The following NRXN3 variants were observed in gnomAD, a reference collection of about 807,000 sequenced individuals.
NRXN3 encodes the protein neurexin 3, also known as neurexin III.
NRXN3 carries 32 observed loss-of-function variants against 137.6 expected under a neutral mutation model. The observed-to-expected ratio is 0.23, with a 90% confidence interval of 0.18 to 0.31. The LOEUF is 0.31. Ranked by LOEUF, NRXN3 falls within the 10% of genes least tolerant of loss-of-function variation. The probability of loss-of-function intolerance (pLI) is 1.00; values close to 1 mark genes in which losing one functional copy is unlikely to be tolerated. For synonymous variants in NRXN3, 798 were observed against 784.5 expected, an observed-to-expected ratio of 1.02 and a Z score of -0.29; for missense variants, 1,574 against 2,062.5, an observed-to-expected ratio of 0.76 and a Z score of 4.59.
chr14:79,757,226 G>T (rs905958202), intron 19 of NRXN3, among the ~76,000 whole-genome samples: 1 of 152,112 alleles, frequency 6.6e-6, no homozygotes, highest in Non-Finnish European at 1.5e-5. Context: ...TAGCAACAAC[G>T]TATTCAGATG....
chr14:79,642,881 C>T lies in NRXN3; in HGVS notation c.3445-20897C>T, dbSNP rs1007392363. On this transcript the variant is annotated intron_variant, in intron 16 of 20. Coordinates refer to ENST00000335750, the MANE Select transcript of NRXN3 (RefSeq NM_001330195.2). ...CTTAGTTTCTAAAACCCAGAGGTCC[C>T]AAAGTCAAATGCTTTGCAGCCAGGC... Among the ~76,000 whole-genome samples, 18 of 136,272 alleles carry T rather than the reference C, an allele frequency of 1.3e-4. 1 individual carries two copies. The highest frequency in any genetic ancestry group is 4.4e-4 in the African/African-American group (18 of 40,880). The allele number at this position is 136,272 out of a possible 152,430, so 89.4% of individuals were successfully genotyped here. A position where few individuals can be genotyped will look rare whatever the true frequency, so the allele number is the denominator to read the frequency against.
chr14:78,915,974 G>A (rs2099254313), intron 10 of NRXN3, among the ~76,000 whole-genome samples: 1 of 152,098 alleles, frequency 6.6e-6, no homozygotes, highest in Non-Finnish European at 1.5e-5. Flanking sequence ...AGAAGAGAAT[G>A]TCCCTATAAG....
chr14:78,710,099 A>AT (rs1171384180), intron 7 of NRXN3, among the ~76,000 whole-genome samples: 2 of 152,254 alleles, frequency 1.3e-5, no homozygotes, highest in African/African-American at 4.8e-5. Flanking sequence ...TTATGCAACA[A>AT]TACACCCTTC....
intron 1 of NRXN3, among the ~76,000 whole-genome samples, chr14:78,239,135 G>A (rs192887333): frequency 6.6e-6 from 1 of 152,330 alleles, no homozygotes; most frequent in African/African-American, 2.4e-5. Context: ...TGCTTTTACT[G>A]TTCATTCTAT....
intron 4 of NRXN3, among the ~76,000 whole-genome samples, chr14:78,633,353 A>G (rs537634588): frequency 1.6e-4 from 25 of 152,026 alleles, no homozygotes; most frequent in African/African-American, 6.0e-4. Flanking sequence ...TTAGTACTAT[A>G]ATTGAATATG....
intron 10 of NRXN3, among the ~76,000 whole-genome samples, chr14:78,896,420 G>A (rs116276546): frequency 0.014 from 2,106 of 151,830 alleles, 47 homozygotes; most frequent in African/African-American, 0.048. Flanking sequence ...TTACTATTAC[G>A]TATTTTATGA....
At chr14:79,174,498 G>A (rs2062098942) in intron 15 of NRXN3, among the ~76,000 whole-genome samples, 1 of 78,154 alleles carries the variant, frequency 1.3e-5, no homozygotes, top group Non-Finnish European at 3.1e-5. Flanking sequence ...TCTATTGAAA[G>A]TTTTATATAT....
rs150635825 is a variant in NRXN3 at position 78,984,102 on chromosome 14, G to A, written c.3143-3920G>A. Among the ~76,000 whole-genome samples the A allele has an allele frequency of 8.3e-3, 1,260 of 152,040 alleles. 12 individuals carry two copies. Among genetic ancestry groups the A allele is most frequent in the African/African-American group, 0.029 (1,186 of 41,498 alleles). On this transcript the variant is annotated intron_variant, in intron 14 of 20. Transcript: ENST00000335750. ...GAAAAATAAGAGATGTTGATCAATGGGTACAAAGTTTCAATTAGACAAGAG... is the reference window on the plus strand; with the variant it reads ...GAAAAATAAGAGATGTTGATCAATGAGTACAAAGTTTCAATTAGACAAGAG...
chr14:79,752,972 C>T lies in NRXN3; in HGVS notation c.4015-52140C>T, dbSNP rs532722488. 2.6e-5 allele frequency among the ~76,000 whole-genome samples: 4 copies of T among 152,034 alleles called. No homozygotes were observed. In the South Asian group the frequency reaches 6.2e-4, roughly 24 times the overall value. On this transcript the variant is annotated intron_variant, in intron 19 of 20. Coordinates refer to ENST00000335750, the MANE Select transcript of NRXN3 (RefSeq NM_001330195.2). ...CAACCAAAAGACACATGAAAAAATG[C>T]TCATCATCACTGGCCATCAGAGAAA...
chr14:78,180,971 T>G (rs1371225038), intron 1 of NRXN3, among the ~76,000 whole-genome samples: 1 of 152,206 alleles, frequency 6.6e-6, no homozygotes, highest in African/African-American at 2.4e-5. Context: ...AATTAGACTC[T>G]TTAGGGACAA....
intron 4 of NRXN3, among the ~76,000 whole-genome samples, chr14:78,449,829 T>C (rs2094508526): frequency 6.6e-6 from 1 of 152,232 alleles, no homozygotes; most frequent in East Asian, 1.9e-4. Flanking sequence ...AGATATGACT[T>C]ATCCAACGTC....
chr14:78,305,205 A>G (rs2077245619), intron 4 of NRXN3, among the ~76,000 whole-genome samples: 1 of 152,096 alleles, frequency 6.6e-6, no homozygotes, highest in African/African-American at 2.4e-5. Context: ...TGGTGTGGGA[A>G]AGTGTGGGGA....
At chr14:78,790,790 T>G (rs1359069607) in intron 8 of NRXN3, among the ~76,000 whole-genome samples, 2 of 152,146 alleles carry the variant, frequency 1.3e-5, no homozygotes, top group African/African-American at 4.8e-5. Context: ...GGAGATGGCT[T>G]AAGGGCTGGT....
intron 19 of NRXN3, among the ~76,000 whole-genome samples, chr14:79,708,498 G>GTTT (rs35950634): frequency 1.4e-5 from 2 of 146,226 alleles, no homozygotes; most frequent in African/African-American, 2.5e-5. Context: ...GGTAAGAATT[G>GTTT]TTTTTTTTTT....
chr14:78,870,062 G>A (rs1045844087), intron 10 of NRXN3, among the ~76,000 whole-genome samples: 7 of 152,142 alleles, frequency 4.6e-5, no homozygotes, highest in African/African-American at 1.7e-4. Flanking sequence ...GTATCACCTG[G>A]GAGTTGGTGG....
chr14:79,371,943 G>A (rs148459226), intron 15 of NRXN3, among the ~76,000 whole-genome samples: 2 of 152,244 alleles, frequency 1.3e-5, no homozygotes, highest in African/African-American at 4.8e-5. Context: ...AAATAAATAA[G>A]TAAATGTCAA....
intron 15 of NRXN3, among the ~76,000 whole-genome samples, chr14:79,464,444 T>TA (rs2096395267): frequency 6.6e-6 from 1 of 152,136 alleles, no homozygotes; most frequent in African/African-American, 2.4e-5. Flanking sequence ...TGTGACTTTC[T>TA]AACCATATAT....
chr14:78,334,695 C>T (rs910774293), intron 4 of NRXN3, among the ~76,000 whole-genome samples: 9 of 152,078 alleles, frequency 5.9e-5, no homozygotes, highest in Admixed American at 1.3e-4. Context: ...GAGAAGTTTA[C>T]GTACCACAGT....
chr14:78,540,433 T>G (rs2153819359), intron 4 of NRXN3, among the ~76,000 whole-genome samples: 1 of 126,856 alleles, frequency 7.9e-6, no homozygotes, highest in African/African-American at 2.8e-5. Context: ...TTGCAACCCC[T>G]GCTTTTTTTT....
Sources: gnomAD v4.1 joint callset for allele counts (sites outside exome capture counted in the v4.1 genomes callset) on GRCh38, gnomAD v4.1.1 for gene constraint, MANE v1.5 for transcripts, NCBI Gene and HGNC (gene_info 2026-07-23, HGNC 2026-07-21) for gene names.